Variants in DYM observed in about 807,000 individuals in gnomAD.
DYM encodes dymeclin.
A neutral mutation model predicts 93.1 loss-of-function variants in DYM; 78 were observed. The ratio of observed to expected loss-of-function variants is 0.84; its 90% CI spans 0.70 to 1.01. The LOEUF (loss-of-function observed/expected upper bound fraction) is 1.01. Among genes scored for constraint, DYM ranks in the 50% least tolerant of loss-of-function variants. DYM has a pLI of 0.00. For synonymous variants in DYM, 321 were observed against 319.7 expected (o/e 1.00, Z -0.04); for missense variants, 789 against 845.0 (o/e 0.93, Z 0.82).
intron 11 of DYM, among the ~76,000 whole-genome samples, chr18:49,265,815 A>G (rs2094561051): frequency 6.6e-6 from 1 of 151,962 alleles, no homozygotes; most frequent in Non-Finnish European, 1.5e-5. Context: ...TGTGAAGAAA[A>G]TACTGAAAAC....
At chr18:49,371,782 G>A (rs2067067523) in intron 5 of DYM, among the ~76,000 whole-genome samples, 1 of 152,196 alleles carries the variant, frequency 6.6e-6, no homozygotes. Context: ...TAATGGAAGA[G>A]CTATCCTCAT....
intron 6 of DYM, among the ~76,000 whole-genome samples, chr18:49,353,669 T>A (rs1302595579): frequency 6.6e-6 from 1 of 152,052 alleles, no homozygotes; most frequent in Non-Finnish European, 1.5e-5. Context: ...AAAAGTGGTA[T>A]ACATTTACAT....
intron 6 of DYM, among the ~76,000 whole-genome samples, chr18:49,349,189 C>CA (rs1451192587): frequency 6.6e-6 from 1 of 152,082 alleles, no homozygotes; most frequent in Non-Finnish European, 1.5e-5. Flanking sequence ...GCCTGGGTGA[C>CA]AGAGTGAGAC....
rs528940445 is a variant in DYM, at chr18:49,314,157, C to A, written c.763+17707G>T. Among the ~76,000 whole-genome samples, 113 of 152,284 alleles carry A rather than the reference C, an allele frequency of 7.4e-4. 2 individuals carry two copies. Among genetic ancestry groups the A allele is most frequent in the African/African-American group, 2.7e-3 (112 of 41,558 alleles). On this transcript the variant is annotated intron_variant, in intron 8 of 17. Coordinates refer to ENST00000675505, the MANE Select transcript of DYM (RefSeq NM_001353214.3). ...CCCTCCCTTTTCTTTACACACAGAACCACCTGTAAATAAAACCCTAAATGA... is the reference window on the plus strand; with the variant it reads ...CCCTCCCTTTTCTTTACACACAGAAACACCTGTAAATAAAACCCTAAATGA...
chr18:49,219,778 T>C (rs199845416), intron 13 of DYM, among the ~76,000 whole-genome samples: 11,559 of 151,464 alleles, frequency 0.076, 693 homozygotes, highest in East Asian at 0.3. Context: ...GAGCTATCTA[T>C]GACAAACCCA....
intron 14 of DYM, among the ~76,000 whole-genome samples, chr18:49,196,543 G>C (rs2091470280): frequency 6.6e-6 from 1 of 152,088 alleles, no homozygotes; most frequent in East Asian, 1.9e-4. Context: ...GCGAGGGGTG[G>C]TGTGTGAGAG....
chr18:49,326,330 A>AT (rs1320349946), intron 8 of DYM, among the ~76,000 whole-genome samples: 9 of 152,092 alleles, frequency 5.9e-5, no homozygotes, highest in African/African-American at 1.9e-4. Context: ...AAAGGAAACA[A>AT]TTTTTTCTTG....
chr18:49,455,133 GCA>G (rs1333944644), intron 1 of DYM, among the ~76,000 whole-genome samples: 1 of 152,134 alleles, frequency 6.6e-6, no homozygotes, highest in Non-Finnish European at 1.5e-5. Flanking sequence ...TTCTTACTCC[GCA>G]CATAGTAACC....
intron 8 of DYM, among the ~76,000 whole-genome samples, chr18:49,302,163 A>G (rs2060977184): frequency 6.6e-6 from 1 of 152,232 alleles, no homozygotes; most frequent in South Asian, 2.1e-4. Context: ...AAGAACAAAG[A>G]CAATATTAAT....
At chr18:49,129,157 C>T (rs1471518756) in intron 15 of DYM, among the ~76,000 whole-genome samples, 1 of 151,764 alleles carries the variant, frequency 6.6e-6, no homozygotes, top group African/African-American at 2.4e-5. Context: ...AGCTCCAAGT[C>T]CATGGAGAGA....
In DYM at chr18:49,042,601, A is replaced by C. The variant is rs940170085; in HGVS notation, c.*1454T>G. 4.6e-5 allele frequency: 7 copies of C among 152,296 alleles called. No homozygotes were observed. The highest frequency in any genetic ancestry group is 1.7e-4 in the African/African-American group (7 of 41,480). The allele number at this position is 152,296 out of a possible 1,614,324, so 9.4% of individuals were successfully genotyped here. A position where few individuals can be genotyped will look rare whatever the true frequency, so the allele number is the denominator to read the frequency against. ...CAGCCCTGGGACACAGGACAGGAGA[A>C]GCCAGCCCTGACACAGATGAGCTGG... On this transcript the variant is annotated 3_prime_UTR_variant, in exon 18 of 18. Transcript: ENST00000675505.
At chr18:49,064,212 C>T (rs1039299957) in intron 17 of DYM, among the ~76,000 whole-genome samples, 60 of 152,260 alleles carry the variant, frequency 3.9e-4, no homozygotes, top group Non-Finnish European at 1.3e-4. Flanking sequence ...ATCAGAACAA[C>T]TGCCATGCCT....
chr18:49,338,776 G>T (rs2063856006), intron 6 of DYM, among the ~76,000 whole-genome samples: 1 of 152,164 alleles, frequency 6.6e-6, no homozygotes, highest in South Asian at 2.1e-4. Context: ...TAATGACTTA[G>T]ATGTGAATAA....
rs1022314540 is a variant in DYM at position 49,378,840 on chromosome 18, A to G, written c.288-140T>C. ...ATTAGGATAATGTCCATATCTTTTA[A>G]TGGCTCATGATTTATTTCATTGTAC... On this transcript the variant is annotated intron_variant, in intron 4 of 17. Coordinates refer to ENST00000675505, the MANE Select transcript of DYM (RefSeq NM_001353214.3). 3 of 765,584 alleles carry G rather than the reference A, an allele frequency of 3.9e-6. No homozygotes were observed. In the Admixed American group the frequency reaches 7.0e-5, roughly 18 times the overall value. 47.4% of individuals were successfully genotyped at this position (765,584 alleles called of 1,614,324 possible).
At chr18:49,069,477 C>G (rs952835142) in intron 17 of DYM, among the ~76,000 whole-genome samples, 1 of 152,178 alleles carries the variant, frequency 6.6e-6, no homozygotes, top group Admixed American at 6.5e-5. Context: ...ATGACTGCCA[C>G]AGACTCACAA....
intron 15 of DYM, among the ~76,000 whole-genome samples, chr18:49,155,024 A>C (rs2144828708): frequency 6.6e-6 from 1 of 152,328 alleles, no homozygotes; most frequent in Middle Eastern, 3.4e-3. Flanking sequence ...GATTGATTTC[A>C]TTTAAAAAAT....
rs2092682212 is a variant in DYM at position 49,209,552 on chromosome 18, T to C, written c.1624A>G (p.Ser542Gly). ...CSHILRSYAS[S>G]LFSLLSKKHN... ...AAATGGACAGCAGAGGTTAATAACC[T>C]GGAAGCATAGGATCTGAGAATGTGA... Residue 542 changes from serine (S) to glycine (G), a missense_variant and splice_region_variant, in exon 14 of 18, where the codon AGT (serine) becomes GGT (glycine). Coordinates refer to ENST00000675505, the MANE Select transcript of DYM (RefSeq NM_001353214.3). The C allele has an allele frequency of 7.8e-7, 1 of 1,289,208 alleles. No homozygotes were observed. Among genetic ancestry groups the C allele is most frequent in the Admixed American group, 2.3e-5 (1 of 43,438 alleles). 79.9% of individuals were successfully genotyped at this position (1,289,208 alleles called of 1,614,324 possible).
intron 15 of DYM, among the ~76,000 whole-genome samples, chr18:49,145,053 T>A (rs1478657632): frequency 7.2e-6 from 1 of 138,684 alleles, no homozygotes. Context: ...TGAACTATGA[T>A]CACACACTGA....
intron 14 of DYM, among the ~76,000 whole-genome samples, chr18:49,206,253 C>T (rs141653034): frequency 3.1e-4 from 47 of 152,156 alleles, no homozygotes; most frequent in African/African-American, 1.1e-3. Flanking sequence ...CCATCTTGGC[C>T]TCCCAAAGTG....
Sources: allele counts gnomAD v4.1 joint callset (sites outside exome capture counted in the v4.1 genomes callset), GRCh38; gene constraint gnomAD v4.1.1; transcripts MANE v1.5; gene names NCBI Gene and HGNC (gene_info 2026-07-23, HGNC 2026-07-21).